The following ZNF596 variants were observed in gnomAD, a reference collection of about 807,000 sequenced individuals.
The protein encoded by ZNF596 is zinc finger protein 596.
Under a neutral mutation model 48.3 loss-of-function variants are expected in ZNF596, and 45 were observed. The ratio of observed to expected loss-of-function variants is 0.93; its 90% confidence interval spans 0.73 to 1.19. ZNF596 has a LOEUF of 1.19. Ranked by LOEUF, ZNF596 falls within the 50% of genes most tolerant of loss-of-function variation. The pLI, the probability that ZNF596 is intolerant of heterozygous loss-of-function variation, is 0.00. For synonymous variants in ZNF596, 270 were observed against 202.0 expected, an observed-to-expected ratio of 1.34 and a Z score of -2.85; for missense variants, 848 against 599.7, an observed-to-expected ratio of 1.41 and a Z score of -4.32.
intron 4 of ZNF596, chr8:244,109 T>C (rs2240380): frequency 0.2 from 43,128 of 214,172 alleles, 4,961 homozygotes; most frequent in East Asian, 0.33. Flanking sequence ...AGGCTGGTCT[T>C]GAACTCCTGA....
At chr8:237,654 T>C (rs866355246) in intron 1 of ZNF596, 2 of 152,178 alleles carry the variant, frequency 1.3e-5, no homozygotes, top group African/African-American at 4.8e-5. Flanking sequence ...TAAATTACTC[T>C]ATCATGTTTG....
At chr8:240,533 T>A (rs1160179685) in intron 1 of ZNF596, 1 of 210,538 alleles carries the variant, frequency 4.7e-6, no homozygotes, top group African/African-American at 2.3e-5. Context: ...CAGGGATTCT[T>A]AGGATTTGGA....
chr8:240,775 A>G, intron 1 of ZNF596, 49 bp from the exon 2 acceptor site: 7 of 1,290,582 alleles, frequency 5.4e-6, no homozygotes, highest in South Asian at 2.4e-5. Context: ...TGTTAGAAGC[A>G]AAACTGGAGT....
chr8:238,760 T>C (rs1796726408), intron 1 of ZNF596, among the ~76,000 whole-genome samples: 2 of 151,344 alleles, frequency 1.3e-5, no homozygotes, highest in Admixed American at 1.3e-4. Flanking sequence ...TGAGCTGGTA[T>C]CGTGCCGTTG....
intron 1 of ZNF596, chr8:234,859 G>C (rs1294654055): frequency 6.6e-6 from 1 of 152,230 alleles, no homozygotes; most frequent in East Asian, 1.9e-4. Context: ...AGTGAGGCAA[G>C]TATGGGTCGT....
In ZNF596 at chr8:245,673, G is replaced by A. The variant is rs751163024; in HGVS notation, c.826G>A (p.Glu276Lys). The A allele has an allele frequency of 2.5e-6, 4 of 1,614,102 alleles. No individual in the cohort carries two copies. The South Asian group carries it at 4.4e-5, about 18-fold the overall frequency. ...LRRHEMIHTR[E>K]KAQICHLCGK... ...ACGACATGAGATGATTCACACTAGA[G>A]AAAAAGCACAGATATGCCATCTATG... Residue 276 changes from glutamate to lysine, a missense_variant, in exon 6 of 6, where the codon GAA (glutamate) becomes AAA (lysine). Transcript: ENST00000398612.
In ZNF596 at chr8:247,195, T is replaced by C. The variant is rs1332936935; in HGVS notation, c.*833T>C. 6.6e-6 allele frequency: 1 copy of C among 152,108 alleles called. No homozygotes were observed. Among genetic ancestry groups the C allele is most frequent in the African/African-American group, 2.4e-5 (1 of 41,404 alleles). 9.4% of individuals were successfully genotyped at this position (152,108 alleles called of 1,614,324 possible). ...ACAAAACATAAAGCCATCAAGCACG[T>C]GCTTGAGAAAAAAATTATAATTTTG... is the stretch of plus-strand genomic sequence containing the variant. On this transcript the variant is annotated 3_prime_UTR_variant, in exon 6 of 6. Coordinates refer to ENST00000398612, the MANE Select transcript of ZNF596 (RefSeq NM_001042416.3).
rs761022542 is a variant in ZNF596, at chr8:245,306, C to G, written c.459C>G (p.Ser153=). Residue 153 remains serine (S), a synonymous_variant, in exon 6 of 6, where the codon TCC becomes TCG. Transcript: ENST00000398612. ...GGAAAATCTTCAGTGACTGGTTATC[C>G]TTTAATCAACACAAGGAAATTCACA... ...KFGKIFSDWL[S]FNQHKEIHTK... is the part of the protein sequence containing the mutation. 2 of 1,613,942 alleles carry G rather than the reference C, an allele frequency of 1.2e-6. No homozygotes were observed. Among genetic ancestry groups the G allele is most frequent in the African/African-American group, 2.7e-5 (2 of 74,924 alleles).
chr8:236,202 A>G (rs1366929348), intron 1 of ZNF596, among the ~76,000 whole-genome samples: 1 of 152,194 alleles, frequency 6.6e-6, no homozygotes, highest in Non-Finnish European at 1.5e-5. Flanking sequence ...ATAGACACTG[A>G]TTTTGTGTGT....
intron 4 of ZNF596, 108 bp downstream of exon 4, chr8:243,913 A>AGTGAG: frequency 7.8e-6 from 7 of 899,850 alleles, no homozygotes; most frequent in African/African-American, 1.7e-5. Flanking sequence ...TTTTAGACAG[A>AGTGAG]ATCTCACTCT....
chr8:243,775 CTT>C lies in ZNF596; in HGVS notation c.195_196del (p.Ser66AsnfsTer10). ...VLSQLEQVEK[L>X]STQRISLLQG... Reference sequence around the variant, plus strand: ...TTCCCAATTGGAGCAAGTAGAGAAACTTTCAACACAAAGAATAAGCTTACTGC... The same window carrying C: ...TTCCCAATTGGAGCAAGTAGAGAAACTCAACACAAAGAATAAGCTTACTGC... On this transcript the variant is annotated frameshift_variant, in exon 4 of 6. Transcript: ENST00000398612. LOFTEE classifies it high-confidence loss of function. The C allele has an allele frequency of 6.2e-7, 1 of 1,613,724 alleles. No homozygotes were observed. Among genetic ancestry groups the C allele is most frequent in the Non-Finnish European group, 8.5e-7 (1 of 1,179,810 alleles).
chr8:233,631 T>G (rs1422550461), intron 1 of ZNF596: 1 of 154,632 alleles, frequency 6.5e-6, no homozygotes, highest in Non-Finnish European at 1.4e-5. Context: ...TGACCTGGAT[T>G]GTCCTAGAAC....
Position 245,803 on chromosome 8 carries a change from G to C in ZNF596, c.956G>C (p.Cys319Ser). The C allele has an allele frequency of 1.2e-6, 2 of 1,614,006 alleles. No individual in the cohort carries two copies. The highest frequency in any genetic ancestry group is 1.7e-6 in the Non-Finnish European group (2 of 1,180,016). Residue 319 changes from cysteine (C) to serine (S), a missense_variant, in exon 6 of 6, where the codon TGT (cysteine) becomes TCT (serine). By Grantham distance (112) the Cys-to-Ser change is moderately radical. Transcript: ENST00000398612. ...CTATGTGGGAAGGCTTTCAGTAAATGTTCTTACCTTAGACAACATGAAAGA... is the reference window on the plus strand; with the variant it reads ...CTATGTGGGAAGGCTTTCAGTAAATCTTCTTACCTTAGACAACATGAAAGA... Reference protein sequence around the residue: ...CLLCGKAFSKCSYLRQHERTH... With the variant: ...CLLCGKAFSKSSYLRQHERTH...
At chr8:243,508 G>C (rs1584912220) in intron 3 of ZNF596, 1 of 431,832 alleles carries the variant, frequency 2.3e-6, no homozygotes, top group East Asian at 3.8e-5. Flanking sequence ...GTGAGGCATG[G>C]CCATCAGCAA....
intron 4 of ZNF596, chr8:244,320 C>G (rs564895264): frequency 9.3e-6 from 3 of 323,558 alleles, no homozygotes; most frequent in African/African-American, 4.4e-5. Context: ...TTGTCTTTGT[C>G]TTTTGTAAAG....
In ZNF596 at chr8:246,020, T is replaced by A; in HGVS notation, c.1173T>A (p.Tyr391Ter). ...GAATTCACACTGGAGAGAAACCATA[T>A]GAGTGCCATGTATGTGGGAAAGCCT... ...HERIHTGEKPYECHVCGKAFT... is the reference protein window; with the variant it reads ...HERIHTGEKP The change falls in exon 6 of 6, where the codon TAT (tyrosine) becomes TAA (stop). Residue 391 changes from tyrosine to a stop codon, truncating the protein, a stop_gained. Transcript: ENST00000398612. LOFTEE classifies it high-confidence loss of function. 1 of 1,613,728 alleles carries A rather than the reference T, an allele frequency of 6.2e-7. No individual in the cohort carries two copies. The highest frequency in any genetic ancestry group is 2.2e-5 in the East Asian group (1 of 44,794).
chr8:244,679 G>A lies in ZNF596; in HGVS notation c.284G>A (p.Gly95Asp). The change falls in exon 5 of 6, where the codon GGC becomes GAC. Residue 95 changes from glycine (G) to aspartate (D), a missense_variant. Physicochemically the swap from Gly to Asp is moderately conservative, Grantham distance 94 (BLOSUM62 -1). Coordinates refer to ENST00000398612, the MANE Select transcript of ZNF596 (RefSeq NM_001042416.3). ...IPFIQHIYQK[G>D]TSTISTMRSH... ...TTCATTCAACATATCTATCAGAAGG[G>A]CACGTCCACCATCAGCACAATGGTA... 8 of 1,613,368 alleles carry A rather than the reference G, an allele frequency of 5.0e-6. No individual in the cohort carries two copies. The highest frequency in any genetic ancestry group is 6.8e-6 in the Non-Finnish European group (8 of 1,179,666).
chr8:239,625 C>A (rs1275881087), intron 1 of ZNF596, among the ~76,000 whole-genome samples: 1 of 152,134 alleles, frequency 6.6e-6, no homozygotes, highest in Admixed American at 6.5e-5. Flanking sequence ...TAAAGAGTTA[C>A]ATACAGCAAG....
intron 1 of ZNF596, among the ~76,000 whole-genome samples, chr8:235,478 GT>G (rs543250255): frequency 7.0e-4 from 101 of 143,742 alleles, no homozygotes; most frequent in African/African-American, 1.0e-3. Context: ...CTGTATGTAT[GT>G]TTTTTTTTTT....
Sources: allele counts gnomAD v4.1 joint callset (sites outside exome capture counted in the v4.1 genomes callset), GRCh38; gene constraint gnomAD v4.1.1; transcripts MANE v1.5; gene names NCBI Gene and HGNC (gene_info 2026-07-23, HGNC 2026-07-21).